DMD: variants seen among roughly 807,000 people sequenced by gnomAD.
DMD encodes dystrophin.
DMD carries 63 observed loss-of-function variants against 330.1 expected under a neutral mutation model. That is an observed-to-expected ratio of 0.19 (90% CI 0.16 to 0.24). The LOEUF is 0.24. DMD is among the 10% of genes least tolerant of loss of function. DMD has a pLI of 1.00. For missense variants in DMD, 3,344 were observed against 2,684.1 expected (o/e 1.25, Z -5.43); for synonymous variants, 1,223 against 959.8 (o/e 1.27, Z -5.07).
At chrX:31,832,040 A>C (rs941716819) in intron 49 of DMD, among the ~76,000 whole-genome samples, 5 of 112,849 alleles carry the variant, frequency 4.4e-5, no homozygotes, top group African/African-American at 1.6e-4. Context: ...ATTGTGCTCA[A>C]TAAATGAGTC....
At chrX:32,971,241 C>T (rs1405848533) in intron 2 of DMD, among the ~76,000 whole-genome samples, 3 of 111,706 alleles carry the variant, frequency 2.7e-5, no homozygotes, top group African/African-American at 9.8e-5. Flanking sequence ...GGATTACAAG[C>T]GTGAGCCACC....
intron 51 of DMD, among the ~76,000 whole-genome samples, chrX:31,765,597 T>C (rs893468311): frequency 4.5e-5 from 5 of 112,023 alleles, no homozygotes; most frequent in Non-Finnish European, 9.4e-5. Flanking sequence ...AAAATACTAG[T>C]AGTATTTAAT....
chrX:33,124,334 G>C (rs2095444651), intron 1 of DMD, among the ~76,000 whole-genome samples: 1 of 107,458 alleles, frequency 9.3e-6, no homozygotes, highest in Non-Finnish European at 1.9e-5. Context: ...ACATTAGCTG[G>C]GCGTGGTGGC....
intron 55 of DMD, among the ~76,000 whole-genome samples, chrX:31,610,124 ACTTCT>A (rs2077827714): frequency 1.9e-5 from 2 of 107,787 alleles, no homozygotes; most frequent in South Asian, 8.1e-4. Flanking sequence ...TCTCCTTCAC[ACTTCT>A]CTTCTCCTCT....
At chrX:32,762,189 CA>C (rs1393929329) in intron 7 of DMD, among the ~76,000 whole-genome samples, 1 of 104,831 alleles carries the variant, frequency 9.5e-6, no homozygotes, top group Admixed American at 1.0e-4. Flanking sequence ...TCAAAAAAAA[CA>C]AAAAAACCCT....
At chrX:32,327,195 C>A (rs33919662) in intron 41 of DMD, among the ~76,000 whole-genome samples, 1,765 of 24,792 alleles carry the variant, frequency 0.071, 34 homozygotes, top group East Asian at 0.28. Context: ...ACTAGGGGCA[C>A]AAAAAAAAAA....
At chrX:31,260,311 G>A (rs769686570) in intron 63 of DMD, among the ~76,000 whole-genome samples, 1 of 111,886 alleles carries the variant, frequency 8.9e-6, no homozygotes, top group African/African-American at 3.3e-5. Flanking sequence ...GATCTAAAAC[G>A]ACAAACCAGA....
chrX:33,144,823 C>T (rs1569556390), intron 1 of DMD, among the ~76,000 whole-genome samples: 1 of 111,724 alleles, frequency 9.0e-6, no homozygotes, highest in Non-Finnish European at 1.9e-5. Context: ...CCTTTTATTT[C>T]AATACCACTG....
At chrX:31,321,510 G>A (rs2056409314) in intron 62 of DMD, among the ~76,000 whole-genome samples, 1 of 103,134 alleles carries the variant, frequency 9.7e-6, no homozygotes, top group South Asian at 4.6e-4. Context: ...CTTGAACCCG[G>A]GAGGCAGGGG....
At chrX:32,636,922 C>CG (rs1479036850) in intron 11 of DMD, among the ~76,000 whole-genome samples, 2 of 109,476 alleles carry the variant, frequency 1.8e-5, no homozygotes, top group African/African-American at 3.3e-5. Flanking sequence ...GGCGTGAACC[C>CG]GGGGGGCGGA....
Position 32,857,460 on chromosome X carries a change from GT to G in DMD, c.94-7641del, listed in dbSNP as rs762898626. Among the ~76,000 whole-genome samples the G allele has an allele frequency of 8.7e-4, 98 of 112,073 alleles. 2 individuals carry two copies. In the Admixed American group the frequency reaches 9.3e-3, roughly 11 times the overall value. ...GTATACAATGCCATTAAAATGATGT[GT>G]TTTTTTCCCTCCTTTGGCCAGGAGC... On this transcript the variant is annotated intron_variant, in intron 2 of 78. Transcript: ENST00000357033.
At chrX:32,736,649 A>T (rs1374805270) in intron 7 of DMD, among the ~76,000 whole-genome samples, 14 of 109,346 alleles carry the variant, frequency 1.3e-4, no homozygotes, top group South Asian at 8.0e-4. Context: ...CATCATTCTC[A>T]GTAAACTATC....
intron 60 of DMD, among the ~76,000 whole-genome samples, chrX:31,369,701 G>T (rs2059441378): frequency 9.0e-6 from 1 of 110,737 alleles, no homozygotes. Context: ...AAACATAGAA[G>T]GTGGCTGGGT....
At chrX:32,403,204 G>A (rs770755310) in intron 30 of DMD, among the ~76,000 whole-genome samples, 1 of 111,752 alleles carries the variant, frequency 8.9e-6, no homozygotes, top group Non-Finnish European at 1.9e-5. Flanking sequence ...ATTTTAGATC[G>A]ATAAATTTTC....
intron 18 of DMD, among the ~76,000 whole-genome samples, chrX:32,512,683 C>T (rs1306045325): frequency 8.9e-6 from 1 of 112,352 alleles, no homozygotes; most frequent in Non-Finnish European, 1.9e-5. Flanking sequence ...AAGACATGGA[C>T]TTTGTCAACA....
rs1052959762 is a variant in DMD, at chrX:31,526,197, C to T, written c.8218-18744G>A. Among the ~76,000 whole-genome samples the T allele has an allele frequency of 1.1e-4, 12 of 112,318 alleles. No individual in the cohort carries two copies. The East Asian group carries it at 2.2e-3, about 21-fold the overall frequency. Reference sequence around the variant, plus strand: ...AAAGTGTTTCCATGTTTCCGAAGAGCGGCATTGTGCTTGTATGACTGTTTT... The same window carrying T: ...AAAGTGTTTCCATGTTTCCGAAGAGTGGCATTGTGCTTGTATGACTGTTTT... On this transcript the variant is annotated intron_variant, in intron 55 of 78. Coordinates refer to ENST00000357033, the MANE Select transcript of DMD (RefSeq NM_004006.3).
At chrX:32,786,717 G>C (rs2075388496) in intron 7 of DMD, among the ~76,000 whole-genome samples, 1 of 111,777 alleles carries the variant, frequency 8.9e-6, no homozygotes, top group Non-Finnish European at 1.9e-5. Flanking sequence ...AAATATTCAT[G>C]GAAGAAGAGA....
At chrX:32,902,041 A>T (rs1041917601) in intron 2 of DMD, among the ~76,000 whole-genome samples, 2 of 109,842 alleles carry the variant, frequency 1.8e-5, no homozygotes, top group Non-Finnish European at 3.8e-5. Flanking sequence ...GTAAGAATAT[A>T]TTGTGTAAGT....
chrX:32,823,526 AAAAATTAAAC>A lies in DMD; in HGVS notation c.265-149_265-140del, dbSNP rs1383619803. On this transcript the variant is annotated intron_variant, in intron 4 of 78. Transcript: ENST00000357033. Reference sequence around the variant, plus strand: ...CATTGAAGCTTTTTGAAAATAATCTAAAAATTAAACAAAATGCATGTGTAAAATCACTTTC... The same window carrying A: ...CATTGAAGCTTTTTGAAAATAATCTAAAAATGCATGTGTAAAATCACTTTC... 2.3e-5 allele frequency: 11 copies of A among 476,504 alleles called. No homozygotes were observed. The African/African-American group carries it at 2.4e-4, about 11-fold the overall frequency. 39.3% of individuals were successfully genotyped at this position (476,504 alleles called of 1,213,427 possible).
Sources: allele counts gnomAD v4.1 joint callset (sites outside exome capture counted in the v4.1 genomes callset), GRCh38; gene constraint gnomAD v4.1.1; transcripts MANE v1.5; gene names NCBI Gene and HGNC (gene_info 2026-07-23, HGNC 2026-07-21).